RHOJ: variants seen among roughly 807,000 people sequenced by gnomAD.
The protein encoded by RHOJ is ras homolog family member J, also known as rho-related GTP-binding protein RhoJ.
A neutral mutation model predicts 23.4 loss-of-function variants in RHOJ; 11 were observed. The observed-to-expected ratio is 0.47, with a 90% confidence interval of 0.30 to 0.78. The LOEUF (loss-of-function observed/expected upper bound fraction) is 0.78. Ranked by LOEUF, RHOJ falls within the 30% of genes least tolerant of loss-of-function variation. The pLI is 0.08. For missense variants in RHOJ, 254 were observed against 273.4 expected, an observed-to-expected ratio of 0.93 and a Z score of 0.50; for synonymous variants, 102 against 102.7, an observed-to-expected ratio of 0.99 and a Z score of 0.04.
chr14:63,284,778 G>A (rs373898559), intron 4 of RHOJ, among the ~76,000 whole-genome samples: 22 of 152,280 alleles, frequency 1.4e-4, no homozygotes, highest in African/African-American at 5.1e-4. Context: ...AGGAACTCGC[G>A]TTCTGTGTTC....
At chr14:63,286,872 C>T (rs1195766882) in intron 4 of RHOJ, among the ~76,000 whole-genome samples, 16 of 152,228 alleles carry the variant, frequency 1.1e-4, no homozygotes, top group Admixed American at 9.2e-4. Context: ...TGTTTTTCCT[C>T]TTTCACCAAT....
intron 1 of RHOJ, among the ~76,000 whole-genome samples, chr14:63,267,819 C>T (rs774173660): frequency 3.3e-5 from 5 of 152,190 alleles, no homozygotes; most frequent in African/African-American, 7.2e-5. Context: ...CTCATCTGAG[C>T]GGCTGCAGCC....
chr14:63,256,353 C>T (rs1328586080), intron 1 of RHOJ, among the ~76,000 whole-genome samples: 1 of 152,188 alleles, frequency 6.6e-6, no homozygotes, highest in African/African-American at 2.4e-5. Context: ...GGGCCAAATA[C>T]TCTGCTAGAC....
chr14:63,252,032 G>A (rs973536916), intron 1 of RHOJ, among the ~76,000 whole-genome samples: 28 of 152,068 alleles, frequency 1.8e-4, no homozygotes. Flanking sequence ...GTTGCAGTGA[G>A]CCGAGATCAC....
chr14:63,289,932 T>TA (rs2139671176), intron 4 of RHOJ, among the ~76,000 whole-genome samples: 1 of 152,302 alleles, frequency 6.6e-6, no homozygotes, highest in Non-Finnish European at 1.5e-5. Context: ...TTTAACTTTT[T>TA]AAAAAATATG....
At chr14:63,264,378 C>T (rs1296069206) in intron 1 of RHOJ, among the ~76,000 whole-genome samples, 1 of 152,208 alleles carries the variant, frequency 6.6e-6, no homozygotes, top group Non-Finnish European at 1.5e-5. Flanking sequence ...CATAGTATTC[C>T]ATGAGGTATA....
chr14:63,277,046 G>A (rs564354145), intron 2 of RHOJ, among the ~76,000 whole-genome samples: 1 of 152,204 alleles, frequency 6.6e-6, no homozygotes, highest in South Asian at 2.1e-4. Flanking sequence ...AAGATTCCTA[G>A]ATAAGTGAGT....
At chr14:63,289,997 T>A (rs1882196568) in intron 4 of RHOJ, among the ~76,000 whole-genome samples, 1 of 152,000 alleles carries the variant, frequency 6.6e-6, no homozygotes. Flanking sequence ...AATCCCAGCA[T>A]TTTTGGAGGC....
intron 1 of RHOJ, among the ~76,000 whole-genome samples, chr14:63,209,004 CCTTTCT>C (rs1272538195): frequency 6.6e-6 from 1 of 152,128 alleles, no homozygotes; most frequent in Non-Finnish European, 1.5e-5. Context: ...GGTATTGACT[CCTTTCT>C]TCCTTTGACA....
At chr14:63,205,838 T>C (rs779655780) in intron 1 of RHOJ, among the ~76,000 whole-genome samples, 1 of 152,248 alleles carries the variant, frequency 6.6e-6, no homozygotes, top group Non-Finnish European at 1.5e-5. Flanking sequence ...GTGATAGCAT[T>C]ATCTAAATTC....
rs544179874 is a variant in RHOJ at position 63,257,212 on chromosome 14, T to G, written c.179-11898T>G. Among the ~76,000 whole-genome samples, 30 of 126,582 alleles carry G rather than the reference T, an allele frequency of 2.4e-4. 1 individual carries two copies. The highest frequency in any genetic ancestry group is 4.6e-4 in the Admixed American group (5 of 10,958). The allele number at this position is 126,582 out of a possible 152,430, so 83.0% of individuals were successfully genotyped here. On this transcript the variant is annotated intron_variant, in intron 1 of 4. Coordinates refer to ENST00000316754, the MANE Select transcript of RHOJ (RefSeq NM_020663.5). ...GAAATCGCACCACTGTACTCCAGCC[T>G]GGGTGACACAGTGAGACTGTCTCCA... is the stretch of plus-strand genomic sequence containing the variant.
intron 1 of RHOJ, among the ~76,000 whole-genome samples, chr14:63,244,403 C>T (rs1894938845): frequency 7.5e-6 from 1 of 133,394 alleles, no homozygotes. Context: ...ACCATCTCTA[C>T]TAAAAATACA....
chr14:63,253,019 A>T (rs574820469), intron 1 of RHOJ, among the ~76,000 whole-genome samples: 1 of 152,296 alleles, frequency 6.6e-6, no homozygotes, highest in African/African-American at 2.4e-5. Flanking sequence ...ATTTTTAGAC[A>T]ATTTTTCTAG....
intron 4 of RHOJ, among the ~76,000 whole-genome samples, chr14:63,283,888 C>CT (rs1241917795): frequency 6.6e-6 from 1 of 152,174 alleles, no homozygotes; most frequent in Non-Finnish European, 1.5e-5. Context: ...GACACCAAGT[C>CT]TTTGCCTCCC....
intron 1 of RHOJ, among the ~76,000 whole-genome samples, chr14:63,250,237 TTTTG>T (rs1377975678): frequency 5.3e-5 from 8 of 152,058 alleles, no homozygotes; most frequent in African/African-American, 1.2e-4. Context: ...TGACCTTTCT[TTTTG>T]TTTGTTTGTT....
chr14:63,275,464 G>A (rs147874800), intron 2 of RHOJ, among the ~76,000 whole-genome samples: 91 of 152,212 alleles, frequency 6.0e-4, no homozygotes, highest in African/African-American at 1.6e-3. Flanking sequence ...GGTGTTTGGC[G>A]CATCTGATGC....
chr14:63,289,985 G>A (rs1216446044), intron 4 of RHOJ, among the ~76,000 whole-genome samples: 1 of 152,004 alleles, frequency 6.6e-6, no homozygotes, highest in South Asian at 2.1e-4. Flanking sequence ...GCTCATGCCT[G>A]TAATCCCAGC....
intron 1 of RHOJ, among the ~76,000 whole-genome samples, chr14:63,266,020 T>A (rs971185355): frequency 6.6e-6 from 1 of 152,072 alleles, no homozygotes; most frequent in African/African-American, 2.4e-5. Context: ...ACGGTAAGCG[T>A]CTCTTGTCAG....
chr14:63,272,119 C>T (rs1000838363), intron 2 of RHOJ, among the ~76,000 whole-genome samples: 27 of 152,136 alleles, frequency 1.8e-4, no homozygotes, highest in Admixed American at 1.8e-3. Flanking sequence ...ACTACCTAAA[C>T]GTTTCTGGTG....
Sources: allele counts gnomAD v4.1 joint callset (sites outside exome capture counted in the v4.1 genomes callset), GRCh38; gene constraint gnomAD v4.1.1; transcripts MANE v1.5; gene names NCBI Gene and HGNC (gene_info 2026-07-23, HGNC 2026-07-21).